Variants in LRMDA observed in about 807,000 individuals in gnomAD.
The protein encoded by LRMDA is leucine-rich melanocyte differentiation-associated protein.
Under a neutral mutation model 29.8 loss-of-function variants are expected in LRMDA, and 18 were observed. The observed-to-expected ratio is 0.60, with a 90% CI of 0.42 to 0.90. The LOEUF is 0.90. Ranked by LOEUF, LRMDA falls within the 40% of genes least tolerant of loss-of-function variation. The pLI is 0.00. For missense variants in LRMDA, 273 were observed against 273.9 expected, an observed-to-expected ratio of 1.00 and a Z score of 0.02; for synonymous variants, 125 against 109.4, an observed-to-expected ratio of 1.14 and a Z score of -0.89.
chr10:76,019,643 A>C (rs1271301439), intron 2 of LRMDA, among the ~76,000 whole-genome samples: 1 of 152,184 alleles, frequency 6.6e-6, no homozygotes, highest in Non-Finnish European at 1.5e-5. Flanking sequence ...GAGGCATTTT[A>C]AGGTAGGAAA....
chr10:76,029,657 A>G (rs560099732), intron 2 of LRMDA, among the ~76,000 whole-genome samples: 39 of 152,102 alleles, frequency 2.6e-4, no homozygotes, highest in Non-Finnish European at 5.0e-4. Flanking sequence ...CTTATTCTCC[A>G]TTACTAATTC....
At chr10:75,576,778 G>A (rs1349043627) in intron 2 of LRMDA, among the ~76,000 whole-genome samples, 1 of 152,156 alleles carries the variant, frequency 6.6e-6, no homozygotes, top group Non-Finnish European at 1.5e-5. Context: ...GCAAACTCCA[G>A]CACACTTGCA....
chr10:75,520,045 T>C (rs1845338247), intron 2 of LRMDA, among the ~76,000 whole-genome samples: 1 of 152,218 alleles, frequency 6.6e-6, no homozygotes, highest in African/African-American at 2.4e-5. Flanking sequence ...TGCTGAGAGA[T>C]CCACTGTTAG....
chr10:75,656,653 G>A (rs1841679180), intron 2 of LRMDA, among the ~76,000 whole-genome samples: 1 of 152,136 alleles, frequency 6.6e-6, no homozygotes, highest in African/African-American at 2.4e-5. Flanking sequence ...TGTTGGAGGA[G>A]ACAATGATGA....
At chr10:75,628,361 G>A (rs1228964518) in intron 2 of LRMDA, among the ~76,000 whole-genome samples, 1 of 152,214 alleles carries the variant, frequency 6.6e-6, no homozygotes, top group African/African-American at 2.4e-5. Context: ...AAAATGCTAA[G>A]TTTGAGGGTG....
At chr10:75,611,600 C>G (rs1303142127) in intron 2 of LRMDA, among the ~76,000 whole-genome samples, 1 of 152,194 alleles carries the variant, frequency 6.6e-6, no homozygotes. Context: ...TCTAAGTTAT[C>G]TCATATGAAT....
At chr10:76,290,778 T>C (rs958987440) in intron 5 of LRMDA, among the ~76,000 whole-genome samples, 1 of 152,182 alleles carries the variant, frequency 6.6e-6, no homozygotes, top group Admixed American at 6.5e-5. Flanking sequence ...AAACCTGTCT[T>C]ACTTCTTATA....
intron 2 of LRMDA, among the ~76,000 whole-genome samples, chr10:75,890,275 T>C (rs938482937): frequency 6.6e-6 from 1 of 152,240 alleles, no homozygotes; most frequent in African/African-American, 2.4e-5. Flanking sequence ...GATTTAAGCC[T>C]GAAATGGAAT....
At chr10:76,405,996 G>T (rs1841897961) in intron 6 of LRMDA, among the ~76,000 whole-genome samples, 1 of 152,126 alleles carries the variant, frequency 6.6e-6, no homozygotes, top group Admixed American at 6.5e-5. Flanking sequence ...AAATCCAAAA[G>T]TATTCTCTGC....
intron 2 of LRMDA, among the ~76,000 whole-genome samples, chr10:76,034,842 C>A (rs371132399): frequency 6.6e-6 from 1 of 152,178 alleles, no homozygotes; most frequent in Non-Finnish European, 1.5e-5. Flanking sequence ...CCGTCCACAT[C>A]GTAGCTCAGC....
chr10:75,437,341 C>T (rs1053770920), intron 1 of LRMDA, among the ~76,000 whole-genome samples: 1 of 152,204 alleles, frequency 6.6e-6, no homozygotes, highest in African/African-American at 2.4e-5. Context: ...CTCTCTCTCT[C>T]ATTCTAAGAG....
At chr10:76,139,358 T>TTA (rs1850156104) in intron 5 of LRMDA, among the ~76,000 whole-genome samples, 1 of 152,176 alleles carries the variant, frequency 6.6e-6, no homozygotes, top group South Asian at 2.1e-4. Context: ...TTTTTGCATA[T>TTA]TATCCTACAA....
chr10:76,026,596 A>G (rs1362382881), intron 2 of LRMDA, among the ~76,000 whole-genome samples: 2 of 152,182 alleles, frequency 1.3e-5, no homozygotes, highest in African/African-American at 4.8e-5. Context: ...CACATGTTAC[A>G]CCCTTCCCAT....
In LRMDA at chr10:76,111,477, C is replaced by T. The variant is rs977817705; in HGVS notation, c.516+52694C>T. 3.3e-5 allele frequency among the ~76,000 whole-genome samples: 5 copies of T among 152,200 alleles called. No homozygotes were observed. In the South Asian group the frequency reaches 1.0e-3, roughly 32 times the overall value. On this transcript the variant is annotated intron_variant, in intron 5 of 6. Coordinates refer to ENST00000611255, the MANE Select transcript of LRMDA (RefSeq NM_001305581.2). ...CACACCTAAATGTTCAAGTTAGAAT[C>T]AAGAAAGTTCATTTGAAAGTCATGA...
intron 5 of LRMDA, among the ~76,000 whole-genome samples, chr10:76,142,136 T>A (rs1236207403): frequency 6.6e-6 from 1 of 152,082 alleles, no homozygotes. Context: ...GACATCTTTT[T>A]CTGCTTTAAG....
chr10:75,646,901 G>A (rs1009824552), intron 2 of LRMDA, among the ~76,000 whole-genome samples: 7 of 152,306 alleles, frequency 4.6e-5, no homozygotes, highest in African/African-American at 4.8e-5. Flanking sequence ...TTATACAGCC[G>A]TATGGGCTGC....
At chr10:76,117,464 T>G (rs1206969374) in intron 5 of LRMDA, among the ~76,000 whole-genome samples, 3 of 152,200 alleles carry the variant, frequency 2.0e-5, no homozygotes, top group Non-Finnish European at 4.4e-5. Context: ...TCCCCATGAT[T>G]CTGTAGCATA....
At chr10:75,841,288 C>T (rs1415184878) in intron 2 of LRMDA, among the ~76,000 whole-genome samples, 1 of 152,192 alleles carries the variant, frequency 6.6e-6, no homozygotes, top group Non-Finnish European at 1.5e-5. Flanking sequence ...TCCTTAAAGG[C>T]CTTGAGTAGC....
chr10:76,128,893 C>T (rs1849935364), intron 5 of LRMDA, among the ~76,000 whole-genome samples: 1 of 152,184 alleles, frequency 6.6e-6, no homozygotes, highest in Non-Finnish European at 1.5e-5. Context: ...TGGCTGTGTT[C>T]CAAGGAGCGT....
Sources: gnomAD v4.1 joint callset for allele counts (sites outside exome capture counted in the v4.1 genomes callset) on GRCh38, gnomAD v4.1.1 for gene constraint, MANE v1.5 for transcripts, NCBI Gene and HGNC (gene_info 2026-07-23, HGNC 2026-07-21) for gene names.